The following MEGF11 variants were observed in gnomAD, a reference collection of about 807,000 sequenced individuals.
The protein encoded by MEGF11 is multiple epidermal growth factor-like domains protein 11.
A neutral mutation model predicts 146.6 loss-of-function variants in MEGF11; 126 were observed. That is an observed-to-expected ratio of 0.86 (90% CI 0.74 to 1.00). The LOEUF (loss-of-function observed/expected upper bound fraction) is 1.00, where lower values mean the gene tolerates loss of function less well. MEGF11 is among the 50% of genes least tolerant of loss of function. MEGF11 has a pLI of 0.00. For synonymous variants in MEGF11, 532 were observed against 583.4 expected (o/e 0.91, Z 1.27); for missense variants, 1,509 against 1,521.2 (o/e 0.99, Z 0.13).
chr15:65,934,645 CT>C (rs887733451), intron 10 of MEGF11, among the ~76,000 whole-genome samples: 5 of 152,302 alleles, frequency 3.3e-5, no homozygotes, highest in African/African-American at 1.2e-4. Flanking sequence ...AAAGTTGGGA[CT>C]TACAGCCCCA....
chr15:66,134,448 A>ACGCCAGCCTGGCCCCTCCC (rs2088796681), intron 1 of MEGF11, among the ~76,000 whole-genome samples: 2 of 134,580 alleles, frequency 1.5e-5, no homozygotes, highest in Admixed American at 7.2e-5. Context: ...ACCAACCCGG[A>ACGCCAGCCTGGCCCCTCCC]CACCTGCCTG....
chr15:66,190,422 G>A (rs2090837891), intron 1 of MEGF11, among the ~76,000 whole-genome samples: 1 of 152,166 alleles, frequency 6.6e-6, no homozygotes, highest in Non-Finnish European at 1.5e-5. Context: ...AAGATGTAGA[G>A]TGTCTATGGG....
At chr15:65,909,915 C>G in intron 21 of MEGF11, 109 bp from the exon 22 acceptor site, 1 of 975,028 alleles carries the variant, frequency 1.0e-6, no homozygotes, top group Non-Finnish European at 1.6e-6. Flanking sequence ...TCCTGACCCA[C>G]CTGGGTCCTA....
At chr15:65,899,564 T>G (rs1004279640) in intron 24 of MEGF11, among the ~76,000 whole-genome samples, 4 of 152,162 alleles carry the variant, frequency 2.6e-5, no homozygotes, top group Admixed American at 2.0e-4. Flanking sequence ...CATGCATGTT[T>G]TAGCACAGAT....
intron 2 of MEGF11, among the ~76,000 whole-genome samples, chr15:66,127,503 TTTC>T (rs2088417876): frequency 6.6e-6 from 1 of 152,034 alleles, no homozygotes; most frequent in Non-Finnish European, 1.5e-5. Context: ...GTCCCCCGCC[TTTC>T]TTCTTCTACC....
intron 1 of MEGF11, among the ~76,000 whole-genome samples, chr15:66,219,982 G>A (rs1178593065): frequency 6.6e-6 from 1 of 152,108 alleles, no homozygotes; most frequent in African/African-American, 2.4e-5. Flanking sequence ...TTGGAAATAG[G>A]GTCTTTGCAG....
At chr15:66,239,752 T>C (rs58357559) in intron 1 of MEGF11, among the ~76,000 whole-genome samples, 5,140 of 152,294 alleles carry the variant, frequency 0.034, 296 homozygotes, top group African/African-American at 0.12. Context: ...TGTCATGACT[T>C]CTGGGCCCAG....
intron 5 of MEGF11, among the ~76,000 whole-genome samples, chr15:66,009,634 C>T (rs1164926277): frequency 2.0e-5 from 3 of 150,500 alleles, no homozygotes; most frequent in Admixed American, 6.6e-5. Context: ...GCTCTGTTGC[C>T]CAGGCTGGAG....
intron 24 of MEGF11, chr15:65,901,938 C>T (rs1358250111): frequency 6.6e-6 from 1 of 151,186 alleles, no homozygotes; most frequent in African/African-American, 2.4e-5. Flanking sequence ...CAGGACTCAA[C>T]CCCTGTCTTC....
chr15:65,915,522 G>T lies in MEGF11; in HGVS notation c.2421C>A (p.Val807=), dbSNP rs1427215001. The T allele has an allele frequency of 1.9e-6, 3 of 1,613,840 alleles. No individual in the cohort carries two copies. Among genetic ancestry groups the T allele is most frequent in the African/African-American group, 2.7e-5 (2 of 74,920 alleles). Residue 807 remains valine, a synonymous_variant, in exon 19 of 26, where the codon GTC becomes GTA. Coordinates refer to ENST00000395614, the MANE Select transcript of MEGF11 (RefSeq NM_001385028.1). The part of the protein sequence containing the change: ...ECMNNSTCDH[V]TGTCYCSPGF... ...CAGGGCTGCAGTAACAGGTGCCGGT[G>T]ACATGGTCACAGGTGGAGTTGTTCA... is the stretch of plus-strand genomic sequence containing the variant.
At chr15:65,929,665 A>G (rs1258843132) in intron 12 of MEGF11, 55 bp downstream of exon 12, 8 of 1,517,118 alleles carry the variant, frequency 5.3e-6, no homozygotes, top group Non-Finnish European at 7.1e-6. Flanking sequence ...AACACCAGGG[A>G]AAGGGCGTGA....
intron 24 of MEGF11, among the ~76,000 whole-genome samples, chr15:65,904,257 A>G (rs1256622980): frequency 6.6e-6 from 1 of 152,138 alleles, no homozygotes; most frequent in Non-Finnish European, 1.5e-5. Flanking sequence ...CCCAATCCTT[A>G]TACCTTTTTG....
Position 66,008,407 on chromosome 15 carries a change from GCGCGCACACACA to G in MEGF11, c.395-25931_395-25920del, listed in dbSNP as rs1413094243. On this transcript the variant is annotated intron_variant, in intron 5 of 25. Transcript: ENST00000395614. ...CGATGAAACACACATGCACACGCGC[GCGCGCACACACA>G]CACACACACACACACACACACACAC... is the stretch of plus-strand genomic sequence containing the variant. 8.9e-3 allele frequency among the ~76,000 whole-genome samples: 736 copies of G among 82,322 alleles called. 6 individuals carry two copies. Among genetic ancestry groups the G allele is most frequent in the African/African-American group, 0.028 (690 of 24,302 alleles). The allele number at this position is 82,322 out of a possible 152,430, so 54.0% of individuals were successfully genotyped here.
At chr15:66,024,185 A>G (rs989492970) in intron 5 of MEGF11, among the ~76,000 whole-genome samples, 3 of 152,226 alleles carry the variant, frequency 2.0e-5, no homozygotes, top group Non-Finnish European at 2.9e-5. Context: ...AAGCTGGAAG[A>G]ATTTTAAAAG....
intron 24 of MEGF11, among the ~76,000 whole-genome samples, chr15:65,901,203 G>C (rs1482660393): frequency 6.6e-6 from 1 of 152,160 alleles, no homozygotes; most frequent in East Asian, 1.9e-4. Flanking sequence ...TGGCCCATCT[G>C]TCCCACTTTG....
intron 4 of MEGF11, among the ~76,000 whole-genome samples, chr15:66,116,908 G>A (rs2087757764): frequency 6.6e-6 from 1 of 152,224 alleles, no homozygotes; most frequent in Non-Finnish European, 1.5e-5. Flanking sequence ...GAAGAGACAA[G>A]CAGCCTGCCC....
In MEGF11 at chr15:65,909,026, G is replaced by A. The variant is rs1161728689; in HGVS notation, c.2998+8C>T. 1.3e-6 allele frequency: 2 copies of A among 1,526,354 alleles called. No individual in the cohort carries two copies. Among genetic ancestry groups the A allele is most frequent in the East Asian group, 2.4e-5 (1 of 40,852 alleles). The allele number at this position is 1,526,354 out of a possible 1,614,324, so 94.6% of individuals were successfully genotyped here. A position where few individuals can be genotyped will look rare whatever the true frequency, so the allele number is the denominator to read the frequency against. On this transcript the variant is annotated splice_region_variant and intron_variant, in intron 23 of 25. Coordinates refer to ENST00000395614, the MANE Select transcript of MEGF11 (RefSeq NM_001385028.1). ...ATGAGGGGGTGGAGGGTAGGGCTGG[G>A]GTCTGACCTGGTGAGTGTGGCTCAG... is the stretch of plus-strand genomic sequence containing the variant.
At chr15:65,917,891 G>A in intron 16 of MEGF11, 75 bp downstream of exon 16, 1 of 1,588,532 alleles carries the variant, frequency 6.3e-7, no homozygotes, top group Non-Finnish European at 8.6e-7. Context: ...CCAGGACAGA[G>A]AGGTTTTGGG....
chr15:66,215,860 A>C (rs559221748), intron 1 of MEGF11, among the ~76,000 whole-genome samples: 29 of 152,310 alleles, frequency 1.9e-4, no homozygotes, highest in African/African-American at 7.0e-4. Flanking sequence ...TTCATGGCAA[A>C]TTGCTCCTAT....
Sources: gnomAD v4.1 joint callset for allele counts (sites outside exome capture counted in the v4.1 genomes callset) on GRCh38, gnomAD v4.1.1 for gene constraint, MANE v1.5 for transcripts, NCBI Gene and HGNC (gene_info 2026-07-23, HGNC 2026-07-21) for gene names.